The following ADGRB1 variants were observed in gnomAD, a reference collection of about 807,000 sequenced individuals.
ADGRB1 encodes adhesion G protein-coupled receptor B1, also known as brain-specific angiogenesis inhibitor 1.
A neutral mutation model predicts 175.7 loss-of-function variants in ADGRB1; 36 were observed. The observed-to-expected ratio is 0.20, with a 90% CI of 0.16 to 0.27. The LOEUF (loss-of-function observed/expected upper bound fraction) is 0.27. Among genes scored for constraint, ADGRB1 ranks in the 10% least tolerant of loss-of-function variants. ADGRB1 has a pLI of 1.00. For missense variants in ADGRB1, 1,731 were observed against 2,255.3 expected, an observed-to-expected ratio of 0.77 and a Z score of 4.71; for synonymous variants, 1,054 against 979.4, an observed-to-expected ratio of 1.08 and a Z score of -1.42.
intron 17 of ADGRB1, among the ~76,000 whole-genome samples, chr8:142,499,605 G>GCTGC (rs1363567862): frequency 1.2e-4 from 18 of 150,626 alleles, no homozygotes; most frequent in African/African-American, 4.2e-4. Context: ...CGGTGGGAGC[G>GCTGC]CTGCCTGCGA....
chr8:142,461,653 G>A (rs1269150001), intron 1 of ADGRB1, among the ~76,000 whole-genome samples: 1 of 152,230 alleles, frequency 6.6e-6, no homozygotes, highest in African/African-American at 2.4e-5. Context: ...GCTATGGGGT[G>A]GAGCTGCCAG....
intron 1 of ADGRB1, among the ~76,000 whole-genome samples, chr8:142,450,721 C>G (rs181041898): frequency 1.6e-3 from 242 of 152,296 alleles, no homozygotes; most frequent in African/African-American, 5.6e-3. Context: ...TAGAAGCCCT[C>G]GCCTGTAGAC....
In ADGRB1 at chr8:142,537,094, G is replaced by A; in HGVS notation, c.3666+12G>A. On this transcript the variant is annotated intron_variant, in intron 26 of 30. Coordinates refer to ENST00000517894, the MANE Select transcript of ADGRB1 (RefSeq NM_001702.3). The surrounding 1 kb of genome is among the most constrained non-coding windows in gnomAD (Gnocchi z 4.6). Reference sequence around the variant, plus strand: ...ACGCCCAGCTCATGGTAGGACTCAGGGCCCGGGGACTCAGGCTGCCCTACC... The same window carrying A: ...ACGCCCAGCTCATGGTAGGACTCAGAGCCCGGGGACTCAGGCTGCCCTACC... The A allele has an allele frequency of 6.7e-7, 1 of 1,491,324 alleles. No individual in the cohort carries two copies. Among genetic ancestry groups the A allele is most frequent in the East Asian group, 2.6e-5 (1 of 39,116 alleles). The allele number at this position is 1,491,324 out of a possible 1,614,324, so 92.4% of individuals were successfully genotyped here. A position where few individuals can be genotyped will look rare whatever the true frequency, so the allele number is the denominator to read the frequency against.
intron 17 of ADGRB1, among the ~76,000 whole-genome samples, chr8:142,497,384 G>C (rs531858142): frequency 2.1e-4 from 32 of 152,184 alleles, no homozygotes; most frequent in East Asian, 3.9e-4. Context: ...CAGGCCAAGG[G>C]GGGGGAAGCG....
chr8:142,524,715 C>G (rs548927926), intron 23 of ADGRB1, among the ~76,000 whole-genome samples: 1 of 152,130 alleles, frequency 6.6e-6, no homozygotes, highest in Non-Finnish European at 1.5e-5. Flanking sequence ...GGCTGGTGAC[C>G]GCGGCTGCTT....
chr8:142,457,654 C>A (rs76397684), intron 1 of ADGRB1, among the ~76,000 whole-genome samples: 18,723 of 152,204 alleles, frequency 0.12, 1,417 homozygotes, highest in East Asian at 0.18. Flanking sequence ...GGCCTAGCTA[C>A]CCTGCAGGTT....
chr8:142,458,361 A>G (rs1042770086), intron 1 of ADGRB1, among the ~76,000 whole-genome samples: 1 of 152,122 alleles, frequency 6.6e-6, no homozygotes, highest in Admixed American at 6.5e-5. Context: ...CAGGCCCAGG[A>G]TGGCGGCGGG....
At chr8:142,539,340 G>A (rs1845126929) in intron 26 of ADGRB1, 34 bp from the exon 27 acceptor site, 2 of 1,562,532 alleles carry the variant, frequency 1.3e-6, no homozygotes, top group Non-Finnish European at 1.7e-6. Context: ...GCTCCCAGAG[G>A]CGCTCACCCT....
intron 19 of ADGRB1, 54 bp from the exon 20 acceptor site, chr8:142,520,769 T>C: frequency 1.3e-6 from 2 of 1,499,726 alleles, no homozygotes; most frequent in South Asian, 1.1e-5. Context: ...CCACAGCCCC[T>C]GTGCAGATGG....
chr8:142,522,830 G>A (rs1843930649), intron 22 of ADGRB1, 120 bp downstream of exon 22: 1 of 1,166,522 alleles, frequency 8.6e-7, no homozygotes, highest in South Asian at 2.4e-5. Context: ...ATCTCACAGA[G>A]GCTCAGGGAG....
chr8:142,466,761 G>C (rs1019537860), intron 2 of ADGRB1, among the ~76,000 whole-genome samples: 4 of 152,166 alleles, frequency 2.6e-5, no homozygotes, highest in African/African-American at 9.7e-5. Context: ...AGATGGGGTG[G>C]TGGACGGTTT....
At chr8:142,530,733 C>T (rs1844573511) in intron 24 of ADGRB1, among the ~76,000 whole-genome samples, 1 of 152,142 alleles carries the variant, frequency 6.6e-6, no homozygotes, top group Non-Finnish European at 1.5e-5. Context: ...GCTGTGGGAT[C>T]CACCCCATCT....
chr8:142,524,449 G>A, intron 23 of ADGRB1, 145 bp downstream of exon 23: 1 of 959,822 alleles, frequency 1.0e-6, no homozygotes, highest in Non-Finnish European at 1.5e-6. Flanking sequence ...CCAGGGGGTG[G>A]GGGTGCCCAC....
In ADGRB1 at chr8:142,544,575, C is replaced by T; in HGVS notation, c.*158C>T. 1 of 874,808 alleles carries T rather than the reference C, an allele frequency of 1.1e-6. No homozygotes were observed. Among genetic ancestry groups the T allele is most frequent in the Non-Finnish European group, 1.6e-6 (1 of 629,922 alleles). 54.2% of individuals were successfully genotyped at this position (874,808 alleles called of 1,614,324 possible). ...GCGGCCAGGCACAGGGCCCGCAGTGCTGGGACCAGAGCCAGATGCAGGACA... is the reference window on the plus strand; with the variant it reads ...GCGGCCAGGCACAGGGCCCGCAGTGTTGGGACCAGAGCCAGATGCAGGACA... On this transcript the variant is annotated 3_prime_UTR_variant, in exon 31 of 31. Transcript: ENST00000517894.
Position 142,524,274 on chromosome 8 carries a change from C to T in ADGRB1, c.3282C>T (p.Ala1094=), listed in dbSNP as rs968526893. The stretch of plus-strand genomic sequence containing the variant: ...CCCTGGAGGGGGGACTGCTCTATGC[C>T]TTCGTGGGACCTGCCGCTGCCGTTG... The part of the protein sequence containing the change: ...WLSLEGGLLY[A]FVGPAAAVVL... The change falls in exon 23 of 31, where the codon GCC becomes GCT. Residue 1094 remains alanine, a synonymous_variant. Coordinates refer to ENST00000517894, the MANE Select transcript of ADGRB1 (RefSeq NM_001702.3). 2 of 1,599,980 alleles carry T rather than the reference C, an allele frequency of 1.3e-6. No homozygotes were observed. The highest frequency in any genetic ancestry group is 1.7e-6 in the Non-Finnish European group (2 of 1,178,926).
intron 24 of ADGRB1, among the ~76,000 whole-genome samples, chr8:142,527,016 G>A (rs1328383429): frequency 2.0e-5 from 3 of 152,192 alleles, no homozygotes; most frequent in African/African-American, 7.2e-5. Flanking sequence ...GGAGGATGTC[G>A]CCTGTCCATG....
At chr8:142,508,267 G>T (rs1842933542) in intron 17 of ADGRB1, among the ~76,000 whole-genome samples, 1 of 152,312 alleles carries the variant, frequency 6.6e-6, no homozygotes, top group African/African-American at 2.4e-5. Context: ...CCTGGGGTGG[G>T]TCTCAGGTCC....
Position 142,488,350 on chromosome 8 carries a change from G to A in ADGRB1, c.2309-14G>A, listed in dbSNP as rs1485744689. The A allele has an allele frequency of 6.2e-7, 1 of 1,612,754 alleles. No homozygotes were observed. Among genetic ancestry groups the A allele is most frequent in the African/African-American group, 1.3e-5 (1 of 75,040 alleles). On this transcript the variant is annotated splice_polypyrimidine_tract_variant and intron_variant, in intron 13 of 30. Coordinates refer to ENST00000517894, the MANE Select transcript of ADGRB1 (RefSeq NM_001702.3). ...CCTCCTCTCTGTCTCTCCCGCCTTT[G>A]ACCCTGCTCCCAGTTCTCAGCATCC... is the stretch of plus-strand genomic sequence containing the variant.
intron 2 of ADGRB1, among the ~76,000 whole-genome samples, chr8:142,469,802 TG>T (rs142251494): frequency 0.016 from 2,388 of 151,492 alleles, 35 homozygotes; most frequent in Non-Finnish European, 0.025. Flanking sequence ...TGCGTGTGCG[TG>T]GGGGGGATGG....
Sources: allele counts gnomAD v4.1 joint callset (sites outside exome capture counted in the v4.1 genomes callset), GRCh38; gene constraint gnomAD v4.1.1; non-coding constraint Gnocchi (gnomAD v3.1); transcripts MANE v1.5; gene names NCBI Gene and HGNC (gene_info 2026-07-23, HGNC 2026-07-21).